The following EPHB1 variants were observed in gnomAD, a reference collection of about 807,000 sequenced individuals.
The protein encoded by EPHB1 is EPH receptor B1.
A neutral mutation model predicts 94.4 loss-of-function variants in EPHB1; 30 were observed. That is an observed-to-expected ratio of 0.32 (90% CI 0.24 to 0.43). The LOEUF is 0.43. Among genes scored for constraint, EPHB1 ranks in the 20% least tolerant of loss-of-function variants. The probability of loss-of-function intolerance (pLI) is 1.00; values close to 1 mark genes in which losing one functional copy is unlikely to be tolerated. For missense variants in EPHB1, 1,055 were observed against 1,308.3 expected (o/e 0.81, Z 2.99); for synonymous variants, 522 against 489.1 (o/e 1.07, Z -0.89).
intron 7 of EPHB1, among the ~76,000 whole-genome samples, chr3:135,164,462 T>C (rs1194453176): frequency 6.6e-6 from 1 of 152,196 alleles, no homozygotes; most frequent in Middle Eastern, 3.2e-3. Context: ...GAAACAGTCA[T>C]GTTTAACAGT....
At chr3:134,812,349 A>C (rs192669792) in intron 1 of EPHB1, among the ~76,000 whole-genome samples, 14 of 152,220 alleles carry the variant, frequency 9.2e-5, no homozygotes, top group Non-Finnish European at 2.1e-4. Context: ...CTAAAAGCTC[A>C]TAGAAATGGA....
At chr3:134,862,663 G>A (rs1225585185) in intron 1 of EPHB1, among the ~76,000 whole-genome samples, 1 of 152,082 alleles carries the variant, frequency 6.6e-6, no homozygotes, top group Non-Finnish European at 1.5e-5. Context: ...AGCCTTGGTT[G>A]CCGTGTGGCT....
intron 10 of EPHB1, among the ~76,000 whole-genome samples, chr3:135,181,555 A>G (rs1942151663): frequency 6.6e-6 from 1 of 152,172 alleles, no homozygotes; most frequent in African/African-American, 2.4e-5. Context: ...TGCTCGTGTT[A>G]TTAATTGTTG....
At chr3:135,252,065 G>A (rs1933130225) in intron 15 of EPHB1, among the ~76,000 whole-genome samples, 1 of 151,884 alleles carries the variant, frequency 6.6e-6, no homozygotes, top group South Asian at 2.1e-4. Flanking sequence ...TCTCATTAGT[G>A]TTTGTGATGG....
chr3:135,172,909 C>A (rs1407984684), intron 9 of EPHB1, among the ~76,000 whole-genome samples: 1 of 152,234 alleles, frequency 6.6e-6, no homozygotes, highest in Non-Finnish European at 1.5e-5. Flanking sequence ...TCAGCTCCTG[C>A]CCTTTGCTTC....
intron 3 of EPHB1, among the ~76,000 whole-genome samples, chr3:134,966,606 C>T (rs1271905076): frequency 6.6e-6 from 1 of 152,254 alleles, no homozygotes; most frequent in African/African-American, 2.4e-5. Flanking sequence ...GGTGGCTTCT[C>T]TTCCCAGGCA....
chr3:134,867,494 C>G (rs527276628), intron 1 of EPHB1, among the ~76,000 whole-genome samples: 1 of 152,242 alleles, frequency 6.6e-6, no homozygotes, highest in East Asian at 1.9e-4. Flanking sequence ...CTCCAGTGAG[C>G]AGCCCAAGGG....
chr3:135,178,219 C>CGGGG (rs775780350), intron 9 of EPHB1, among the ~76,000 whole-genome samples: 1 of 96,280 alleles, frequency 1.0e-5, no homozygotes, highest in Non-Finnish European at 2.0e-5. Flanking sequence ...TTTGGGAGGC[C>CGGGG]GGGGAGGGGG....
At chr3:134,802,013 G>T (rs1323914986) in intron 1 of EPHB1, among the ~76,000 whole-genome samples, 1 of 152,236 alleles carries the variant, frequency 6.6e-6, no homozygotes, top group African/African-American at 2.4e-5. Context: ...CAAGTGCACA[G>T]TTAGCTCTGT....
At chr3:134,931,504 T>C (rs1283204338) in intron 2 of EPHB1, among the ~76,000 whole-genome samples, 2 of 152,226 alleles carry the variant, frequency 1.3e-5, no homozygotes, top group Admixed American at 1.3e-4. Flanking sequence ...AAAAAAGTGC[T>C]GCGAGGGCTT....
At chr3:134,866,846 C>A (rs950537281) in intron 1 of EPHB1, among the ~76,000 whole-genome samples, 1 of 152,206 alleles carries the variant, frequency 6.6e-6, no homozygotes, top group Admixed American at 6.5e-5. Flanking sequence ...TCCTTCCTCA[C>A]CCTGGGAGCA....
chr3:135,021,517 G>A (rs759116883), intron 3 of EPHB1, among the ~76,000 whole-genome samples: 1 of 135,636 alleles, frequency 7.4e-6, no homozygotes, highest in African/African-American at 3.0e-5. Flanking sequence ...ACCCCCCACC[G>A]GTTTACTTTT....
intron 9 of EPHB1, among the ~76,000 whole-genome samples, chr3:135,170,003 A>C (rs1941760514): frequency 1.3e-5 from 2 of 152,230 alleles, no homozygotes; most frequent in Non-Finnish European, 2.9e-5. Flanking sequence ...GAATGTGTGC[A>C]CATAACTATA....
At position 134,867,734 on chromosome 3, in the gene EPHB1, C is replaced by T. The variant is rs556440945; in HGVS notation, c.59-58082C>T. ...TGACTTATGATGGGGATGGAGGTTCCCATTCTCCATCTCCCTCAGCCCCTA... is the reference window on the plus strand; with the variant it reads ...TGACTTATGATGGGGATGGAGGTTCTCATTCTCCATCTCCCTCAGCCCCTA... On this transcript the variant is annotated intron_variant, in intron 1 of 15. Transcript: ENST00000398015. Among the ~76,000 whole-genome samples the T allele has an allele frequency of 9.9e-5, 15 of 152,202 alleles. No homozygotes were observed. In the East Asian group the frequency reaches 2.7e-3, roughly 27 times the overall value.
chr3:134,908,728 G>A (rs1231465731), intron 1 of EPHB1, among the ~76,000 whole-genome samples: 1 of 152,096 alleles, frequency 6.6e-6, no homozygotes, highest in Non-Finnish European at 1.5e-5. Context: ...AAGGCGTGAG[G>A]AGGGAGAAGG....
chr3:135,017,791 T>C (rs895176545), intron 3 of EPHB1, among the ~76,000 whole-genome samples: 3 of 151,994 alleles, frequency 2.0e-5, no homozygotes, highest in African/African-American at 7.3e-5. Flanking sequence ...AGAGGCTGAG[T>C]GTGTTGGGGT....
chr3:134,950,570 G>A (rs1932986613), intron 2 of EPHB1, among the ~76,000 whole-genome samples: 1 of 152,176 alleles, frequency 6.6e-6, no homozygotes, highest in Non-Finnish European at 1.5e-5. Context: ...TCCACTCATG[G>A]CAGGCCAGGG....
chr3:135,245,291 T>C (rs988363649), intron 13 of EPHB1, among the ~76,000 whole-genome samples: 18 of 152,168 alleles, frequency 1.2e-4, no homozygotes, highest in Non-Finnish European at 1.8e-4. Flanking sequence ...CAGGTGACTC[T>C]CCCAAGGTTC....
chr3:135,024,068 T>C (rs1379006838), intron 3 of EPHB1, among the ~76,000 whole-genome samples: 1 of 152,202 alleles, frequency 6.6e-6, no homozygotes, highest in Non-Finnish European at 1.5e-5. Flanking sequence ...TAATCAGCTC[T>C]TCCAGACACC....
Sources: gnomAD v4.1 joint callset for allele counts (sites outside exome capture counted in the v4.1 genomes callset) on GRCh38, gnomAD v4.1.1 for gene constraint, MANE v1.5 for transcripts, NCBI Gene and HGNC (gene_info 2026-07-23, HGNC 2026-07-21) for gene names.